SGCZ: variants seen among roughly 807,000 people sequenced by gnomAD.
The protein encoded by SGCZ is zeta-sarcoglycan.
SGCZ carries 40 observed loss-of-function variants against 41.3 expected under a neutral mutation model. That is an observed-to-expected ratio of 0.97 (90% CI 0.75 to 1.26). The LOEUF (loss-of-function observed/expected upper bound fraction) is 1.26, where lower values mean the gene tolerates loss of function less well. SGCZ is among the 50% of genes most tolerant of loss of function. SGCZ has a pLI of 0.00. For missense variants in SGCZ, 552 were observed against 369.8 expected (o/e 1.49, Z -4.04); for synonymous variants, 206 against 137.5 (o/e 1.50, Z -3.49).
intron 3 of SGCZ, among the ~76,000 whole-genome samples, chr8:14,305,802 AT>A (rs1801331434): frequency 1.3e-5 from 2 of 152,160 alleles, no homozygotes; most frequent in Non-Finnish European, 1.5e-5. Flanking sequence ...TGTAACTTGT[AT>A]TGGTTTATGG....
At chr8:14,827,578 A>G (rs1585297204) in intron 1 of SGCZ, among the ~76,000 whole-genome samples, 1 of 152,124 alleles carries the variant, frequency 6.6e-6, no homozygotes, top group African/African-American at 2.4e-5. Flanking sequence ...TGTGGGAAGG[A>G]ACTGCACGGG....
chr8:14,259,014 C>T (rs907957995), intron 3 of SGCZ, among the ~76,000 whole-genome samples: 6 of 152,160 alleles, frequency 3.9e-5, no homozygotes, highest in African/African-American at 1.4e-4. Flanking sequence ...TTAGCTGTGT[C>T]TTCCTGTTTG....
At chr8:14,106,190 C>T (rs573932125) in intron 6 of SGCZ, among the ~76,000 whole-genome samples, 1 of 152,280 alleles carries the variant, frequency 6.6e-6, no homozygotes, top group Non-Finnish European at 1.5e-5. Context: ...GTGCTGGCTG[C>T]TACAGCATTA....
rs966066254 is a variant in SGCZ, at chr8:14,862,426, C to A, written c.40-307500G>T. Among the ~76,000 whole-genome samples, 6 of 151,296 alleles carry A rather than the reference C, an allele frequency of 4.0e-5. No homozygotes were observed. In the East Asian group the frequency reaches 1.2e-3, roughly 30 times the overall value. On this transcript the variant is annotated intron_variant, in intron 1 of 7. Transcript: ENST00000382080. ...CATCTATGCGTTTAGTCACCATATG[C>A]ATGGTATAATGCACGAATTATTTGA...
chr8:15,099,389 A>T (rs1158571621), intron 1 of SGCZ, among the ~76,000 whole-genome samples: 1 of 152,202 alleles, frequency 6.6e-6, no homozygotes, highest in Non-Finnish European at 1.5e-5. Context: ...TGAAATGGAC[A>T]AATTCTTGGA....
intron 2 of SGCZ, among the ~76,000 whole-genome samples, chr8:14,369,925 G>A (rs988823013): frequency 6.6e-6 from 1 of 151,862 alleles, no homozygotes; most frequent in Admixed American, 6.6e-5. Flanking sequence ...TATTTCTACA[G>A]GCTAATGACG....
At chr8:15,108,970 T>A (rs1355408631) in intron 1 of SGCZ, among the ~76,000 whole-genome samples, 1 of 152,158 alleles carries the variant, frequency 6.6e-6, no homozygotes, top group Non-Finnish European at 1.5e-5. Flanking sequence ...AAAAATAGAA[T>A]GAAATTGGGT....
intron 2 of SGCZ, among the ~76,000 whole-genome samples, chr8:14,442,990 A>C (rs1261235489): frequency 6.6e-6 from 1 of 152,036 alleles, no homozygotes; most frequent in Admixed American, 6.6e-5. Flanking sequence ...ATGTACAAAA[A>C]TCACAAGCAT....
At chr8:14,800,438 T>C (rs1801285782) in intron 1 of SGCZ, among the ~76,000 whole-genome samples, 1 of 152,168 alleles carries the variant, frequency 6.6e-6, no homozygotes, top group Non-Finnish European at 1.5e-5. Context: ...TTATTTTGCA[T>C]CTCTATGAAT....
intron 1 of SGCZ, among the ~76,000 whole-genome samples, chr8:15,023,277 C>G (rs994138838): frequency 6.6e-6 from 1 of 152,166 alleles, no homozygotes; most frequent in Non-Finnish European, 1.5e-5. Flanking sequence ...GGCTCTTGAG[C>G]TTTCCCCAGC....
At chr8:14,567,104 G>A (rs934952745) in intron 1 of SGCZ, among the ~76,000 whole-genome samples, 20 of 152,314 alleles carry the variant, frequency 1.3e-4, no homozygotes, top group African/African-American at 2.9e-4. Flanking sequence ...CCTGCAGCCC[G>A]CCATGCCTGA....
intron 2 of SGCZ, among the ~76,000 whole-genome samples, chr8:14,395,883 T>C (rs532514322): frequency 2.0e-5 from 3 of 152,338 alleles, no homozygotes; most frequent in African/African-American, 7.2e-5. Context: ...CTGCAAAAAG[T>C]ATCTGTTCGC....
At chr8:14,670,679 G>C (rs1195973092) in intron 1 of SGCZ, among the ~76,000 whole-genome samples, 1 of 152,094 alleles carries the variant, frequency 6.6e-6, no homozygotes, top group Non-Finnish European at 1.5e-5. Context: ...AACAGAAATA[G>C]CACTCTCAAT....
At chr8:14,751,320 G>C (rs138417736) in intron 1 of SGCZ, among the ~76,000 whole-genome samples, 6 of 152,210 alleles carry the variant, frequency 3.9e-5, no homozygotes, top group African/African-American at 1.4e-4. Context: ...TACACACTTA[G>C]AATGGAATCA....
chr8:14,247,259 C>T (rs7009331), intron 3 of SGCZ, among the ~76,000 whole-genome samples: 4,549 of 152,246 alleles, frequency 0.03, 234 homozygotes, highest in African/African-American at 0.1. Context: ...TATGACTTTG[C>T]ATTGTCCTTC....
intron 1 of SGCZ, among the ~76,000 whole-genome samples, chr8:15,094,559 C>T (rs1806267244): frequency 6.6e-6 from 1 of 152,166 alleles, no homozygotes; most frequent in Admixed American, 6.5e-5. Flanking sequence ...TACTAAAGTC[C>T]TGAGTTAAAG....
intron 1 of SGCZ, among the ~76,000 whole-genome samples, chr8:14,811,714 C>A (rs1028822835): frequency 6.6e-6 from 1 of 151,588 alleles, no homozygotes; most frequent in Non-Finnish European, 1.5e-5. Context: ...GACTATTAGA[C>A]GCACTGCCGT....
chr8:14,830,045 C>T (rs531443366), intron 1 of SGCZ, among the ~76,000 whole-genome samples: 1 of 152,118 alleles, frequency 6.6e-6, no homozygotes, highest in Non-Finnish European at 1.5e-5. Flanking sequence ...CGCCTGACCT[C>T]GTGATCTGCA....
chr8:14,994,353 G>A (rs1802134603), intron 1 of SGCZ, among the ~76,000 whole-genome samples: 1 of 152,264 alleles, frequency 6.6e-6, no homozygotes, highest in Admixed American at 6.5e-5. Context: ...GGAGGCCGAG[G>A]CGGGCAGATT....
Sources: gnomAD v4.1 joint callset for allele counts (sites outside exome capture counted in the v4.1 genomes callset) on GRCh38, gnomAD v4.1.1 for gene constraint, MANE v1.5 for transcripts, NCBI Gene and HGNC (gene_info 2026-07-23, HGNC 2026-07-21) for gene names.